DLC1: variants seen among roughly 807,000 people sequenced by gnomAD.
The protein encoded by DLC1 is DLC1 Rho GTPase activating protein.
In DLC1, 54 loss-of-function variants were observed where a neutral mutation model predicts 140.3. The observed-to-expected ratio is 0.38, with a 90% CI of 0.31 to 0.48. DLC1 has a LOEUF of 0.48. Ranked by LOEUF, DLC1 falls within the 20% of genes least tolerant of loss-of-function variation. The pLI is 0.96. For synonymous variants in DLC1, 986 were observed against 728.1 expected, an observed-to-expected ratio of 1.35 and a Z score of -5.70; for missense variants, 2,536 against 1,907.0, an observed-to-expected ratio of 1.33 and a Z score of -6.14.
intron 12 of DLC1, 147 bp downstream of exon 12, chr8:13,094,612 G>A (rs1818351996): frequency 2.1e-6 from 2 of 934,382 alleles, no homozygotes. Context: ...GTTGCAGTGA[G>A]CCGAGGTCAC....
chr8:13,335,712 A>C (rs1458535626), intron 4 of DLC1, among the ~76,000 whole-genome samples: 7 of 152,152 alleles, frequency 4.6e-5, no homozygotes, highest in Non-Finnish European at 1.0e-4. Flanking sequence ...GAAAATATTG[A>C]TAACAAACAA....
chr8:13,276,315 G>A lies in DLC1; in HGVS notation c.1348+28954C>T, dbSNP rs769977898. 15 of 1,535,276 alleles carry A rather than the reference G, an allele frequency of 9.8e-6. No homozygotes were observed. The South Asian group carries it at 1.4e-4, about 15-fold the overall frequency. ...CCAAATGACATCCAGGGCTCTGGCCGTGGAGTCCCTGATGTGATCGCTAAA... is the reference window on the plus strand; with the variant it reads ...CCAAATGACATCCAGGGCTCTGGCCATGGAGTCCCTGATGTGATCGCTAAA... On this transcript the variant is annotated intron_variant, in intron 5 of 17. Transcript: ENST00000276297.
intron 5 of DLC1, among the ~76,000 whole-genome samples, chr8:13,163,344 A>G (rs575678245): frequency 1.3e-5 from 2 of 152,326 alleles, no homozygotes; most frequent in African/African-American, 4.8e-5. Flanking sequence ...AACATAATTC[A>G]TCTAGTGTTC....
At chr8:13,141,343 G>T (rs910115514) in intron 5 of DLC1, among the ~76,000 whole-genome samples, 13 of 143,566 alleles carry the variant, frequency 9.1e-5, no homozygotes, top group African/African-American at 3.4e-4. Flanking sequence ...GAAATGTTTT[G>T]ACTTACATTT....
chr8:13,211,841 G>A (rs1827960375), intron 5 of DLC1, among the ~76,000 whole-genome samples: 1 of 152,202 alleles, frequency 6.6e-6, no homozygotes, highest in South Asian at 2.1e-4. Context: ...TTGAGGAAGA[G>A]TAGAGGCTTT....
chr8:13,355,433 T>TA (rs1834891862), intron 4 of DLC1, among the ~76,000 whole-genome samples: 1 of 152,116 alleles, frequency 6.6e-6, no homozygotes, highest in Non-Finnish European at 1.5e-5. Flanking sequence ...CAACAGAAAT[T>TA]TATTTCTCAC....
Position 13,522,836 on chromosome 8 carries a change from T to A in DLC1, c.-125-22640A>T, listed in dbSNP as rs149138674. 2.5e-3 allele frequency among the ~76,000 whole-genome samples: 379 copies of A among 152,058 alleles called. 3 individuals carry two copies. The highest frequency in any genetic ancestry group is 8.4e-3 in the African/African-American group (348 of 41,490). ...TCTCACTGCAAAGGTGGCTTATCAG[T>A]AATGACTTAAAAAAAGGTGAGAGAG... On this transcript the variant is annotated intron_variant, in intron 1 of 1. Coordinates refer to the DLC1 transcript ENST00000631382.
intron 5 of DLC1, among the ~76,000 whole-genome samples, chr8:13,172,593 T>C (rs1825546187): frequency 6.6e-6 from 1 of 152,260 alleles, no homozygotes; most frequent in South Asian, 2.1e-4. Flanking sequence ...TTTTAGAGAC[T>C]TCGTCAACTC....
chr8:13,542,270 A>G (rs4831449), intron 1 of DLC1, among the ~76,000 whole-genome samples: 46,345 of 151,964 alleles, frequency 0.3, 7,337 homozygotes, highest in East Asian at 0.35. Flanking sequence ...ATGCCTATGT[A>G]TGTACAAATT....
chr8:13,505,197 A>G (rs908403099), intron 1 of DLC1, among the ~76,000 whole-genome samples: 1 of 152,210 alleles, frequency 6.6e-6, no homozygotes, highest in Non-Finnish European at 1.5e-5. Context: ...AAATAATGCA[A>G]ATAGTAAACA....
chr8:13,485,385 C>G (rs753542452), intron 2 of DLC1, among the ~76,000 whole-genome samples: 8 of 152,204 alleles, frequency 5.3e-5, no homozygotes, highest in Non-Finnish European at 7.3e-5. Context: ...TGAACATGCA[C>G]TTCTTGTTGC....
chr8:13,166,818 G>T (rs1480674301), intron 5 of DLC1, among the ~76,000 whole-genome samples: 2 of 152,212 alleles, frequency 1.3e-5, no homozygotes, highest in East Asian at 3.9e-4. Flanking sequence ...GGGGGAGAAA[G>T]ACTGCAGGTG....
chr8:13,405,990 C>G (rs13280868), intron 2 of DLC1, among the ~76,000 whole-genome samples: 3 of 117,622 alleles, frequency 2.6e-5, no homozygotes, highest in Non-Finnish European at 5.4e-5. Context: ...CTCTCTCTCT[C>G]TCTTTCTTTA....
At chr8:13,390,893 C>CAGG (rs1314423089) in intron 4 of DLC1, among the ~76,000 whole-genome samples, 4 of 151,172 alleles carry the variant, frequency 2.6e-5, no homozygotes, top group Non-Finnish European at 5.9e-5. Context: ...GAGGCTGAGG[C>CAGG]AGAATGCCGT....
chr8:13,491,621 A>C (rs1277155572), intron 2 of DLC1, among the ~76,000 whole-genome samples: 2 of 152,172 alleles, frequency 1.3e-5, no homozygotes, highest in East Asian at 1.9e-4. Flanking sequence ...CTATTGACTA[A>C]TTAGTTATGA....
intron 4 of DLC1, among the ~76,000 whole-genome samples, chr8:13,382,004 G>C (rs1167334738): frequency 6.6e-6 from 1 of 152,132 alleles, no homozygotes; most frequent in Non-Finnish European, 1.5e-5. Context: ...GGTAGCTTTT[G>C]AGGGGGCTTT....
chr8:13,311,960 G>C (rs1283999773), intron 4 of DLC1, among the ~76,000 whole-genome samples: 1 of 152,170 alleles, frequency 6.6e-6, no homozygotes. Context: ...GCTGTCTTGA[G>C]ATACCTAAAT....
chr8:13,126,516 T>C (rs544111987), intron 5 of DLC1, among the ~76,000 whole-genome samples: 7 of 152,324 alleles, frequency 4.6e-5, no homozygotes, highest in East Asian at 1.9e-4. Context: ...GATAACTGCA[T>C]AGATTAAGAA....
chr8:13,158,590 C>A (rs1433922012), intron 5 of DLC1, among the ~76,000 whole-genome samples: 2 of 152,128 alleles, frequency 1.3e-5, no homozygotes, highest in Non-Finnish European at 2.9e-5. Context: ...ATCTGTGAAG[C>A]TTTCCCATAG....
Sources: allele counts gnomAD v4.1 joint callset (sites outside exome capture counted in the v4.1 genomes callset), GRCh38; gene constraint gnomAD v4.1.1; transcripts MANE v1.5; gene names NCBI Gene and HGNC (gene_info 2026-07-23, HGNC 2026-07-21).